MACROD2: variants seen among roughly 807,000 people sequenced by gnomAD.
MACROD2 encodes mono-ADP ribosylhydrolase 2.
In MACROD2, 36 loss-of-function variants were observed where a neutral mutation model predicts 70.4. The ratio of observed to expected loss-of-function variants is 0.51; its 90% CI spans 0.39 to 0.68. MACROD2 has a LOEUF of 0.68. Ranked by LOEUF, MACROD2 falls within the 30% of genes least tolerant of loss-of-function variation. MACROD2 has a pLI of 0.00. For missense variants in MACROD2, 496 were observed against 538.4 expected, an observed-to-expected ratio of 0.92 and a Z score of 0.78; for synonymous variants, 172 against 178.8, an observed-to-expected ratio of 0.96 and a Z score of 0.30.
chr20:15,146,362 CATT>C, intron 5 of MACROD2, among the ~76,000 whole-genome samples: 1 of 152,242 alleles, frequency 6.6e-6, no homozygotes, highest in Non-Finnish European at 1.5e-5. Context: ...TGGTAACTAT[CATT>C]GTAGTAGTGA....
intron 15 of MACROD2, among the ~76,000 whole-genome samples, chr20:16,010,219 A>G (rs2066845121): frequency 2.0e-5 from 3 of 152,190 alleles, no homozygotes; most frequent in African/African-American, 7.2e-5. Flanking sequence ...CTAGTGGCGC[A>G]TGTCCTGGTG....
At chr20:15,229,256 GA>G (rs1367785493) in intron 5 of MACROD2, among the ~76,000 whole-genome samples, 1 of 152,080 alleles carries the variant, frequency 6.6e-6, no homozygotes, top group Non-Finnish European at 1.5e-5. Context: ...AATAGGAGTT[GA>G]ACAGTATAGA....
At chr20:14,929,405 C>G (rs1264833167) in intron 5 of MACROD2, 1 of 152,212 alleles carries the variant, frequency 6.6e-6, no homozygotes, top group Non-Finnish European at 1.5e-5. Context: ...GCACACAACT[C>G]AGAAACAGCC....
At position 15,957,039 on chromosome 20, in the gene MACROD2, A is replaced by G. The variant is rs146183986; in HGVS notation, c.908-10514A>G. On this transcript the variant is annotated intron_variant, in intron 12 of 17. Transcript: ENST00000684519. Reference sequence around the variant, plus strand: ...TGTGCAAAAGCAAGAAGACACAGAAAAGGACAGGTTATGTGTCATTCAATT... The same window carrying G: ...TGTGCAAAAGCAAGAAGACACAGAAGAGGACAGGTTATGTGTCATTCAATT... 3.5e-3 allele frequency among the ~76,000 whole-genome samples: 530 copies of G among 152,326 alleles called. 5 individuals are homozygous for G. Among genetic ancestry groups the G allele is most frequent in the Non-Finnish European group, 4.0e-3 (274 of 68,018 alleles).
intron 6 of MACROD2, among the ~76,000 whole-genome samples, chr20:15,312,025 T>A (rs2146148971): frequency 6.6e-6 from 1 of 151,950 alleles, no homozygotes; most frequent in African/African-American, 2.4e-5. Context: ...CATCAAATAA[T>A]CTAAATAAAC....
At chr20:14,481,289 A>G (rs1298460080) in intron 3 of MACROD2, among the ~76,000 whole-genome samples, 1 of 152,098 alleles carries the variant, frequency 6.6e-6, no homozygotes, top group Non-Finnish European at 1.5e-5. Context: ...TGTATGTTTA[A>G]TTGTTCATAT....
chr20:14,983,114 C>G (rs1402283657), intron 5 of MACROD2, among the ~76,000 whole-genome samples: 1 of 152,156 alleles, frequency 6.6e-6, no homozygotes, highest in Non-Finnish European at 1.5e-5. Flanking sequence ...GATTTGACTG[C>G]CCTGCTGGAT....
At chr20:14,310,747 T>C (rs919639316) in intron 3 of MACROD2, among the ~76,000 whole-genome samples, 2 of 152,146 alleles carry the variant, frequency 1.3e-5, no homozygotes, top group Non-Finnish European at 2.9e-5. Context: ...TGGGACAGGA[T>C]GTGGAGGTGG....
At position 15,722,148 on chromosome 20, in the gene MACROD2, C is replaced by T. The variant is rs114391798; in HGVS notation, c.646-140597C>T. ...ATATATTCAACTTTCTCTTAATAGT[C>T]ATTAAGGATAATTTCAGTTTAGGGC... On this transcript the variant is annotated intron_variant, in intron 8 of 17. Coordinates refer to ENST00000684519, the MANE Select transcript of MACROD2 (RefSeq NM_001351661.2). Among the ~76,000 whole-genome samples the T allele has an allele frequency of 3.5e-3, 534 of 152,218 alleles. 4 individuals are homozygous for T. The highest frequency in any genetic ancestry group is 0.012 in the African/African-American group (494 of 41,520).
chr20:15,642,690 T>G (rs1019583158), intron 8 of MACROD2, among the ~76,000 whole-genome samples: 3 of 151,744 alleles, frequency 2.0e-5, no homozygotes, highest in Non-Finnish European at 4.4e-5. Flanking sequence ...ATAAAAATAA[T>G]CTTTTCTTTG....
At chr20:14,511,356 T>A (rs2089271568) in intron 4 of MACROD2, among the ~76,000 whole-genome samples, 1 of 152,104 alleles carries the variant, frequency 6.6e-6, no homozygotes, top group Non-Finnish European at 1.5e-5. Context: ...TCACATTGCA[T>A]GTCTATATCA....
intron 5 of MACROD2, among the ~76,000 whole-genome samples, chr20:14,957,137 A>T (rs887683120): frequency 7.1e-4 from 107 of 151,704 alleles, no homozygotes; most frequent in African/African-American, 2.5e-3. Flanking sequence ...TGAGCACACA[A>T]TTTTTTTTTA....
intron 8 of MACROD2, among the ~76,000 whole-genome samples, chr20:15,531,279 A>G (rs572438842): frequency 5.3e-5 from 8 of 151,720 alleles, no homozygotes; most frequent in African/African-American, 7.2e-5. Context: ...ATACATTTCT[A>G]TATAATTATT....
chr20:14,418,666 T>C (rs1339410172), intron 3 of MACROD2, among the ~76,000 whole-genome samples: 1 of 152,236 alleles, frequency 6.6e-6, no homozygotes, highest in Non-Finnish European at 1.5e-5. Flanking sequence ...TGTAGGCAGC[T>C]CATCATATTC....
In MACROD2 at chr20:15,967,999, G is replaced by T. The variant is rs570195196; in HGVS notation, c.985+369G>T. ...AGGGGATTAAATCCACATAGTCTTG[G>T]GATATCAAGAAGGGAGTACATAACA... On this transcript the variant is annotated intron_variant, in intron 13 of 17. Coordinates refer to ENST00000684519, the MANE Select transcript of MACROD2 (RefSeq NM_001351661.2). Among the ~76,000 whole-genome samples, 7 of 152,152 alleles carry T rather than the reference G, an allele frequency of 4.6e-5. No homozygotes were observed. In the East Asian group the frequency reaches 1.2e-3, roughly 25 times the overall value.
At chr20:15,178,209 T>G (rs2076475863) in intron 5 of MACROD2, among the ~76,000 whole-genome samples, 2 of 152,192 alleles carry the variant, frequency 1.3e-5, no homozygotes, top group South Asian at 4.1e-4. Context: ...AGGTCTCCAG[T>G]TCTTTCTCTC....
chr20:15,470,243 G>A (rs1000689873), intron 7 of MACROD2, among the ~76,000 whole-genome samples: 1 of 152,084 alleles, frequency 6.6e-6, no homozygotes, highest in Non-Finnish European at 1.5e-5. Context: ...TAGAGACGGG[G>A]TTTCACCATG....
intron 3 of MACROD2, among the ~76,000 whole-genome samples, chr20:14,463,548 C>A (rs890523681): frequency 2.6e-5 from 4 of 151,962 alleles, no homozygotes; most frequent in African/African-American, 9.7e-5. Context: ...GCCTGATTGC[C>A]CTGACCAGAA....
chr20:14,026,535 C>T (rs777537642), intron 2 of MACROD2, among the ~76,000 whole-genome samples: 3 of 152,148 alleles, frequency 2.0e-5, no homozygotes, highest in Non-Finnish European at 2.9e-5. Flanking sequence ...GTAAGGCAGG[C>T]CTGATGGTGA....
Sources: allele counts gnomAD v4.1 joint callset (sites outside exome capture counted in the v4.1 genomes callset), GRCh38; gene constraint gnomAD v4.1.1; transcripts MANE v1.5; gene names NCBI Gene and HGNC (gene_info 2026-07-23, HGNC 2026-07-21).